The following ATL2 variants were observed in gnomAD, a reference collection of about 807,000 sequenced individuals.
ATL2 encodes the protein atlastin GTPase 2.
Under a neutral mutation model 73.9 loss-of-function variants are expected in ATL2, and 31 were observed. That is an observed-to-expected ratio of 0.42 (90% confidence interval 0.32 to 0.57). The LOEUF is 0.57. Ranked by LOEUF, ATL2 falls within the 20% of genes least tolerant of loss-of-function variation. ATL2 has a pLI of 0.14. For synonymous variants in ATL2, 291 were observed against 237.5 expected (o/e 1.23, Z -2.07); for missense variants, 738 against 702.6 (o/e 1.05, Z -0.57).
At position 38,352,930 on chromosome 2, in the gene ATL2, T is replaced by C. The variant is rs142963391; in HGVS notation, c.119-9418A>G. The stretch of plus-strand genomic sequence containing the variant: ...TTTCCACAGACCCACACTAACGAAG[T>C]ATGAAGCAAAGCCAAGGTCAAGATC... On this transcript the variant is annotated intron_variant, in intron 1 of 12. Transcript: ENST00000378954. Among the ~76,000 whole-genome samples the C allele has an allele frequency of 2.0e-5, 3 of 152,306 alleles. No individual in the cohort carries two copies. The East Asian group carries it at 5.8e-4, about 29-fold the overall frequency.
Position 38,295,972 on chromosome 2 carries a change from G to C in ATL2, c.*22C>G, listed in dbSNP as rs1405374974. ...GCAAGCATGAAAAAAAAAGAGAGTG[G>C]AGTCCGTGAGGAGATGAACTGTCAG... On this transcript the variant is annotated 3_prime_UTR_variant, in exon 13 of 13. Coordinates refer to ENST00000378954, the MANE Select transcript of ATL2 (RefSeq NM_001135673.4). 3.3e-6 allele frequency: 5 copies of C among 1,500,552 alleles called. No individual in the cohort carries two copies. The highest frequency in any genetic ancestry group is 1.4e-5 in the African/African-American group (1 of 71,426). The allele number at this position is 1,500,552 out of a possible 1,614,324, so 93.0% of individuals were successfully genotyped here.
intron 1 of ATL2, among the ~76,000 whole-genome samples, chr2:38,375,896 C>T (rs1671932035): frequency 6.6e-6 from 1 of 152,152 alleles, no homozygotes; most frequent in African/African-American, 2.4e-5. Flanking sequence ...TAGCAAAACT[C>T]CAGTCTGTCA....
At chr2:38,307,991 C>T (rs958975380) in intron 9 of ATL2, among the ~76,000 whole-genome samples, 1 of 152,102 alleles carries the variant, frequency 6.6e-6, no homozygotes, top group African/African-American at 2.4e-5. Context: ...AGGGAATCTT[C>T]GTACACTGTT....
chr2:38,309,724 A>G (rs1667644067), intron 8 of ATL2, among the ~76,000 whole-genome samples: 1 of 152,156 alleles, frequency 6.6e-6, no homozygotes, highest in East Asian at 1.9e-4. Flanking sequence ...ACCCCCTAGT[A>G]ACACTGCCAG....
At chr2:38,307,362 T>C (rs948390691) in intron 9 of ATL2, among the ~76,000 whole-genome samples, 9 of 151,854 alleles carry the variant, frequency 5.9e-5, no homozygotes, top group Admixed American at 2.0e-4. Context: ...CTTTTCTTTT[T>C]TTTTTTGAAA....
chr2:38,340,242 G>T (rs1218669378), intron 2 of ATL2, among the ~76,000 whole-genome samples: 1 of 148,822 alleles, frequency 6.7e-6, no homozygotes, highest in Non-Finnish European at 1.5e-5. Flanking sequence ...TTTTCATCTG[G>T]ATGGTGGTAG....
At chr2:38,376,437 G>C (rs1671971894) in intron 1 of ATL2, 1 of 331,502 alleles carries the variant, frequency 3.0e-6, no homozygotes, top group African/African-American at 2.1e-5. Flanking sequence ...TCGTCCAAGT[G>C]ACTCGTAAAC....
chr2:38,351,315 A>G (rs934148845), intron 1 of ATL2, among the ~76,000 whole-genome samples: 5 of 152,148 alleles, frequency 3.3e-5, no homozygotes. Flanking sequence ...ATGGTTAAAT[A>G]TATTTCTAGG....
At chr2:38,364,592 AACG>A (rs1186299348) in intron 1 of ATL2, among the ~76,000 whole-genome samples, 1 of 152,256 alleles carries the variant, frequency 6.6e-6, no homozygotes, top group Non-Finnish European at 1.5e-5. Context: ...TGCCTTATAA[AACG>A]ACAATGTACT....
chr2:38,305,685 A>G lies in ATL2; in HGVS notation c.1071+3694T>C, dbSNP rs561290261. Among the ~76,000 whole-genome samples, 127 of 152,204 alleles carry G rather than the reference A, an allele frequency of 8.3e-4. 1 individual carries two copies. Among genetic ancestry groups the G allele is most frequent in the Non-Finnish European group, 1.5e-3 (102 of 68,038 alleles). ...TAATACAATAGGCTCTTGAATGACC[A>G]CTAGATCAGTGAAGAAATTAAGAAA... On this transcript the variant is annotated intron_variant, in intron 9 of 12. Transcript: ENST00000378954.
chr2:38,323,622 T>C (rs1016145179), intron 2 of ATL2, among the ~76,000 whole-genome samples: 55 of 152,024 alleles, frequency 3.6e-4, no homozygotes, highest in Non-Finnish European at 1.9e-4. Flanking sequence ...AGAAACAAAT[T>C]CATATTTTAC....
At chr2:38,324,403 G>T (rs1483734929) in intron 2 of ATL2, among the ~76,000 whole-genome samples, 2 of 152,166 alleles carry the variant, frequency 1.3e-5, no homozygotes, top group Non-Finnish European at 2.9e-5. Context: ...CAGGAGACAG[G>T]TTATGAACAC....
rs1262926331 is a variant in ATL2, at chr2:38,299,253, A to C, written c.1200+3T>G. On this transcript the variant is annotated splice_donor_region_variant and intron_variant, in intron 11 of 12. Coordinates refer to ENST00000378954, the MANE Select transcript of ATL2 (RefSeq NM_001135673.4). Reference sequence around the variant, plus strand: ...GCATCAAATTTAAATTTTAGGTACAAACCTGTTCCATACTTTTACAATAGG... The same window carrying C: ...GCATCAAATTTAAATTTTAGGTACACACCTGTTCCATACTTTTACAATAGG... 1.3e-6 allele frequency: 2 copies of C among 1,511,840 alleles called. No homozygotes were observed. Among genetic ancestry groups the C allele is most frequent in the Non-Finnish European group, 1.8e-6 (2 of 1,140,420 alleles). The allele number at this position is 1,511,840 out of a possible 1,614,324, so 93.7% of individuals were successfully genotyped here.
chr2:38,370,174 A>C (rs986863724), intron 1 of ATL2, among the ~76,000 whole-genome samples: 48 of 148,492 alleles, frequency 3.2e-4, no homozygotes, highest in Non-Finnish European at 6.1e-4. Context: ...AAAAAAAAGA[A>C]AGAAAATCAA....
At chr2:38,356,445 AG>A (rs1021127526) in intron 1 of ATL2, among the ~76,000 whole-genome samples, 22 of 151,500 alleles carry the variant, frequency 1.5e-4, no homozygotes, top group African/African-American at 5.3e-4. Flanking sequence ...CACCTCACTC[AG>A]CCTCCCAAAG....
chr2:38,365,176 C>T lies in ATL2; in HGVS notation c.118+11967G>A, dbSNP rs1031421427. Among the ~76,000 whole-genome samples, 1,260 of 138,398 alleles carry T rather than the reference C, an allele frequency of 9.1e-3. 13 individuals are homozygous for T. The highest frequency in any genetic ancestry group is 0.041 in the African/African-American group (1,175 of 28,782). The allele number at this position is 138,398 out of a possible 152,430, so 90.8% of individuals were successfully genotyped here. A position where few individuals can be genotyped will look rare whatever the true frequency, so the allele number is the denominator to read the frequency against. The stretch of plus-strand genomic sequence containing the variant: ...ACACACACACACACAAATACACACA[C>T]ACACACACACACAAATACACACACA... On this transcript the variant is annotated intron_variant, in intron 1 of 12. Transcript: ENST00000378954.
chr2:38,363,434 T>G (rs746242791), intron 1 of ATL2, among the ~76,000 whole-genome samples: 1 of 151,886 alleles, frequency 6.6e-6, no homozygotes, highest in Non-Finnish European at 1.5e-5. Context: ...TTCCAAAAAT[T>G]CCCTAGTTAA....
intron 1 of ATL2, among the ~76,000 whole-genome samples, chr2:38,354,534 A>G (rs1325314666): frequency 2.0e-5 from 3 of 152,198 alleles, no homozygotes; most frequent in Admixed American, 6.5e-5. Context: ...TTAAAGATGA[A>G]TATCATTAGC....
At chr2:38,357,227 C>G (rs1214599872) in intron 1 of ATL2, among the ~76,000 whole-genome samples, 1 of 151,972 alleles carries the variant, frequency 6.6e-6, no homozygotes, top group African/African-American at 2.4e-5. Flanking sequence ...ACTTGAGAGG[C>G]TGAGGCAGGA....
Sources: allele counts gnomAD v4.1 joint callset (sites outside exome capture counted in the v4.1 genomes callset), GRCh38; gene constraint gnomAD v4.1.1; transcripts MANE v1.5; gene names NCBI Gene and HGNC (gene_info 2026-07-23, HGNC 2026-07-21).